STARD13: variants seen among roughly 807,000 people sequenced by gnomAD.
The protein encoded by STARD13 is stAR-related lipid transfer protein 13.
In STARD13, 62 loss-of-function variants were observed where a neutral mutation model predicts 106.4. The ratio of observed to expected loss-of-function variants is 0.58; its 90% confidence interval spans 0.48 to 0.72. STARD13 has a LOEUF of 0.72. Among genes scored for constraint, STARD13 ranks in the 30% least tolerant of loss-of-function variants. The probability of loss-of-function intolerance (pLI) is 0.00; values close to 1 mark genes in which losing one functional copy is unlikely to be tolerated. For missense variants in STARD13, 1,387 were observed against 1,424.0 expected (o/e 0.97, Z 0.42); for synonymous variants, 565 against 553.0 (o/e 1.02, Z -0.31).
At chr13:33,242,332 AAG>A (rs1889566672) in intron 1 of STARD13, among the ~76,000 whole-genome samples, 3 of 152,196 alleles carry the variant, frequency 2.0e-5, no homozygotes, top group Admixed American at 6.5e-5. Flanking sequence ...GGGGAAAAGA[AAG>A]AGAGATCAGA....
the STARD13 span, among the ~76,000 whole-genome samples, chr13:33,665,835 C>T: frequency 6.6e-5 from 10 of 152,164 alleles, no homozygotes; most frequent in African/African-American, 2.2e-4. Flanking sequence ...CTCTGACTCT[C>T]TCCTGGGGTC....
chr13:33,219,188 G>A (rs1179499982), intron 1 of STARD13, among the ~76,000 whole-genome samples: 1 of 152,144 alleles, frequency 6.6e-6, no homozygotes, highest in Admixed American at 6.5e-5. Context: ...GTACGCCACA[G>A]TTCCAGGGCA....
At chr13:33,274,508 C>T (rs1172545939) in intron 1 of STARD13, among the ~76,000 whole-genome samples, 1 of 152,136 alleles carries the variant, frequency 6.6e-6, no homozygotes, top group African/African-American at 2.4e-5. Context: ...TTACTGCAGC[C>T]CCAGCAAACT....
chr13:33,607,698 C>T, the STARD13 span, among the ~76,000 whole-genome samples: 1 of 152,086 alleles, frequency 6.6e-6, no homozygotes, highest in African/African-American at 2.4e-5. Flanking sequence ...TTATCGTCCA[C>T]ACAGTTAATC....
the STARD13 span, among the ~76,000 whole-genome samples, chr13:33,666,737 C>G: frequency 0.04 from 6,064 of 152,076 alleles, 248 homozygotes; most frequent in African/African-American, 0.1. Context: ...ATTACAGGCT[C>G]CCACCACCAC....
At chr13:33,425,300 C>A in the STARD13 span, among the ~76,000 whole-genome samples, 1 of 152,188 alleles carries the variant, frequency 6.6e-6, no homozygotes, top group East Asian at 1.9e-4. Context: ...TGCCTAGGAA[C>A]TGTCAGACCT....
chr13:33,467,318 C>A, the STARD13 span, among the ~76,000 whole-genome samples: 4 of 151,978 alleles, frequency 2.6e-5, no homozygotes, highest in Admixed American at 1.3e-4. Context: ...GAAACCCTTG[C>A]ATGCACAATT....
intron 3 of STARD13, among the ~76,000 whole-genome samples, chr13:33,163,684 CATAT>C (rs71196508): frequency 9.1e-4 from 43 of 47,508 alleles, no homozygotes; most frequent in African/African-American, 2.6e-3. Context: ...ATATATAAAA[CATAT>C]ATATATATAA....
chr13:33,589,454 C>A, the STARD13 span, among the ~76,000 whole-genome samples: 1 of 152,212 alleles, frequency 6.6e-6, no homozygotes, highest in African/African-American at 2.4e-5. Context: ...AAATTTCCCT[C>A]TACACACTGC....
chr13:33,586,499 C>A, the STARD13 span, among the ~76,000 whole-genome samples: 2 of 152,094 alleles, frequency 1.3e-5, no homozygotes, highest in African/African-American at 4.8e-5. Context: ...TGCTAATCTT[C>A]AACAAAAATA....
chr13:33,545,081 G>A, the STARD13 span, among the ~76,000 whole-genome samples: 2 of 152,096 alleles, frequency 1.3e-5, no homozygotes, highest in Non-Finnish European at 2.9e-5. Context: ...CAGCCTTCCT[G>A]AGTAGCTGGG....
the STARD13 span, among the ~76,000 whole-genome samples, chr13:33,519,260 C>CTTTCTT: frequency 4.1e-5 from 6 of 146,466 alleles, no homozygotes. Flanking sequence ...TTCTTTCTTT[C>CTTTCTT]TTTCTTTCTT....
At chr13:33,442,989 T>TA in the STARD13 span, among the ~76,000 whole-genome samples, 1 of 152,122 alleles carries the variant, frequency 6.6e-6, no homozygotes, top group African/African-American at 2.4e-5. Flanking sequence ...GGTACAGAGT[T>TA]CAGTTTTACA....
chr13:33,483,712 A>C, the STARD13 span, among the ~76,000 whole-genome samples: 1 of 151,968 alleles, frequency 6.6e-6, no homozygotes, highest in Non-Finnish European at 1.5e-5. Flanking sequence ...TAAACCCCCC[A>C]GTTTCAATTG....
chr13:33,627,319 T>C, the STARD13 span, among the ~76,000 whole-genome samples: 6 of 152,306 alleles, frequency 3.9e-5, no homozygotes, highest in Admixed American at 1.3e-4. Flanking sequence ...CACTTGTAGA[T>C]AGGTACATCT....
chr13:33,214,984 A>G (rs1453850168), intron 1 of STARD13, among the ~76,000 whole-genome samples: 5 of 152,116 alleles, frequency 3.3e-5, no homozygotes. Context: ...TGGAAGCATT[A>G]GGTTCTACTG....
the STARD13 span, among the ~76,000 whole-genome samples, chr13:33,396,905 C>G: frequency 6.6e-6 from 1 of 152,254 alleles, no homozygotes; most frequent in African/African-American, 2.4e-5. Context: ...GAAGCACTTT[C>G]TGAATTAAGG....
intron 8 of STARD13, among the ~76,000 whole-genome samples, chr13:33,116,031 A>G (rs1566535505): frequency 2.0e-5 from 3 of 152,220 alleles, no homozygotes; most frequent in Non-Finnish European, 2.9e-5. Context: ...AGCTGAGAAC[A>G]CTGTAACTGG....
chr13:33,218,203 A>C (rs1239515054), intron 1 of STARD13, among the ~76,000 whole-genome samples: 1 of 152,134 alleles, frequency 6.6e-6, no homozygotes, highest in Non-Finnish European at 1.5e-5. Flanking sequence ...TCAGAGTTCC[A>C]AGCTAAGGAA....
Sources: gnomAD v4.1 joint callset for allele counts (sites outside exome capture counted in the v4.1 genomes callset) on GRCh38, gnomAD v4.1.1 for gene constraint, MANE v1.5 for transcripts, NCBI Gene and HGNC (gene_info 2026-07-23, HGNC 2026-07-21) for gene names.